The following WDR47 variants were observed in gnomAD, a reference collection of about 807,000 sequenced individuals.
WDR47 encodes the protein WD repeat-containing protein 47.
Under a neutral mutation model 97.2 loss-of-function variants are expected in WDR47, and 32 were observed. The ratio of observed to expected loss-of-function variants is 0.33; its 90% CI spans 0.25 to 0.44. WDR47 has a LOEUF of 0.44. Among genes scored for constraint, WDR47 ranks in the 20% least tolerant of loss-of-function variants. The pLI is 1.00. For synonymous variants in WDR47, 375 were observed against 373.5 expected (o/e 1.00, Z -0.05); for missense variants, 782 against 1,102.3 (o/e 0.71, Z 4.11).
At chr1:109,029,998 C>G in intron 1 of WDR47, 1 of 393,286 alleles carries the variant, frequency 2.5e-6, no homozygotes, top group South Asian at 1.3e-4. Context: ...GCTTTCTAAC[C>G]AAATATAAGC....
chr1:108,994,046 T>C (rs1659573251), intron 8 of WDR47, among the ~76,000 whole-genome samples: 1 of 152,126 alleles, frequency 6.6e-6, no homozygotes, highest in Non-Finnish European at 1.5e-5. Flanking sequence ...AAATAAGGGA[T>C]AGACAAAGTG....
chr1:109,041,353 A>G (rs917697100), intron 1 of WDR47, among the ~76,000 whole-genome samples: 3 of 152,150 alleles, frequency 2.0e-5, no homozygotes, highest in African/African-American at 4.8e-5. Flanking sequence ...TTGATGTGAG[A>G]AAGGCCAAAA....
intron 8 of WDR47, chr1:108,992,920 A>AT (rs966261913): frequency 5.1e-6 from 5 of 983,858 alleles, no homozygotes; most frequent in African/African-American, 3.3e-5. Flanking sequence ...GCTAAATAAT[A>AT]TTTTTTTAAT....
At chr1:109,003,300 T>A (rs1040654189) in intron 6 of WDR47, among the ~76,000 whole-genome samples, 1 of 152,188 alleles carries the variant, frequency 6.6e-6, no homozygotes, top group African/African-American at 2.4e-5. Flanking sequence ...GCTCTCTCAA[T>A]ATTTGCATCA....
intron 13 of WDR47, among the ~76,000 whole-genome samples, chr1:108,976,559 A>G (rs901194906): frequency 1.3e-5 from 2 of 152,212 alleles, no homozygotes; most frequent in Non-Finnish European, 2.9e-5. Flanking sequence ...TGAAAATAAA[A>G]CAGGTATCAT....
chr1:109,032,249 T>A (rs1277369461), intron 1 of WDR47, among the ~76,000 whole-genome samples: 1 of 139,256 alleles, frequency 7.2e-6, no homozygotes, highest in African/African-American at 2.6e-5. Context: ...CAGTGGCTCA[T>A]GCCTGTAATC....
intron 2 of WDR47, among the ~76,000 whole-genome samples, chr1:109,021,773 C>A (rs1040049320): frequency 6.6e-6 from 1 of 150,894 alleles, no homozygotes; most frequent in East Asian, 2.0e-4. Flanking sequence ...GTGATCCACA[C>A]GGCTCAGCCT....
At position 108,983,456 on chromosome 1, in the gene WDR47, A is replaced by T. The variant is rs1034513151; in HGVS notation, c.1926-5T>A. ...TGCTTAGGAGTCTCATGTGCACTGA[A>T]AAGAAAAATTACAGAAATATATTTC... is the stretch of plus-strand genomic sequence containing the variant. On this transcript the variant is annotated splice_region_variant and splice_polypyrimidine_tract_variant and intron_variant, in intron 10 of 14. Coordinates refer to ENST00000369962, the MANE Select transcript of WDR47 (RefSeq NM_001142551.2). 2 of 1,543,684 alleles carry T rather than the reference A, an allele frequency of 1.3e-6. No individual in the cohort carries two copies. Among genetic ancestry groups the T allele is most frequent in the Non-Finnish European group, 1.7e-6 (2 of 1,144,524 alleles).
At chr1:109,035,548 A>G (rs1055859329) in intron 1 of WDR47, among the ~76,000 whole-genome samples, 8 of 147,808 alleles carry the variant, frequency 5.4e-5, no homozygotes, top group Non-Finnish European at 4.4e-5. Flanking sequence ...CCCAGGCTGG[A>G]GTGCAGTGGC....
intron 1 of WDR47, among the ~76,000 whole-genome samples, chr1:109,033,168 C>T (rs532886496): frequency 6.6e-6 from 1 of 152,142 alleles, no homozygotes; most frequent in African/African-American, 2.4e-5. Flanking sequence ...GTGGCAGGCA[C>T]CTGTAATCCC....
At chr1:109,005,653 T>A (rs959293047) in intron 5 of WDR47, among the ~76,000 whole-genome samples, 2 of 151,998 alleles carry the variant, frequency 1.3e-5, no homozygotes, top group Admixed American at 6.6e-5. Context: ...GGCAGGCAGA[T>A]CACGAGGTCA....
rs748037936 is a variant in WDR47 at position 109,011,113 on chromosome 1, G to A, written c.933C>T (p.Arg311=). ...GGCCATCTAAAGCAGGATTCAGAGAGCGGGTCATATAGGCATCAGCTGATT... is the reference window on the plus strand; with the variant it reads ...GGCCATCTAAAGCAGGATTCAGAGAACGGGTCATATAGGCATCAGCTGATT... The part of the protein sequence containing the change: ...RPQSADAYMT[R]SLNPALDGLT... The change falls in exon 5 of 15, where the codon CGC becomes CGT. Residue 311 remains arginine, a synonymous_variant. Coordinates refer to ENST00000369962, the MANE Select transcript of WDR47 (RefSeq NM_001142551.2). 3 of 1,614,018 alleles carry A rather than the reference G, an allele frequency of 1.9e-6. No homozygotes were observed. The African/African-American group carries it at 4.0e-5, about 22-fold the overall frequency.
chr1:109,027,058 C>T (rs1215128091), intron 1 of WDR47, among the ~76,000 whole-genome samples: 2 of 151,988 alleles, frequency 1.3e-5, no homozygotes, highest in African/African-American at 2.4e-5. Flanking sequence ...TCACCCAACA[C>T]AGAATTTTTT....
chr1:108,974,961 T>G, intron 13 of WDR47, among the ~76,000 whole-genome samples: 1 of 152,076 alleles, frequency 6.6e-6, no homozygotes, highest in East Asian at 1.9e-4. Context: ...TTGTAAGAAA[T>G]GAGAAAGTCC....
intron 13 of WDR47, among the ~76,000 whole-genome samples, chr1:108,981,226 A>T (rs1658319322): frequency 6.6e-6 from 1 of 151,946 alleles, no homozygotes; most frequent in East Asian, 1.9e-4. Context: ...TTTGTAATGC[A>T]TGCTACCATT....
intron 9 of WDR47, among the ~76,000 whole-genome samples, chr1:108,989,332 C>T (rs1186328042): frequency 6.6e-6 from 1 of 152,154 alleles, no homozygotes; most frequent in East Asian, 1.9e-4. Flanking sequence ...AGGTCTAGGA[C>T]CCATAATGAC....
At chr1:108,999,540 C>CA (rs1557934289) in intron 7 of WDR47, among the ~76,000 whole-genome samples, 1 of 151,624 alleles carries the variant, frequency 6.6e-6, no homozygotes, top group African/African-American at 2.4e-5. Context: ...TTCATCTCTA[C>CA]AAAAAATATA....
At chr1:108,981,609 C>A in intron 13 of WDR47, 124 bp downstream of exon 13, 1 of 923,148 alleles carries the variant, frequency 1.1e-6, no homozygotes, top group African/African-American at 1.7e-5. Flanking sequence ...CTGAAAGTAA[C>A]TAATAAAATA....
intron 4 of WDR47, among the ~76,000 whole-genome samples, chr1:109,012,441 C>T (rs1160847849): frequency 2.6e-5 from 4 of 151,662 alleles, no homozygotes; most frequent in Admixed American, 6.6e-5. Context: ...GGCACAGTGG[C>T]GGGCACCTGT....
Sources: allele counts gnomAD v4.1 joint callset (sites outside exome capture counted in the v4.1 genomes callset), GRCh38; gene constraint gnomAD v4.1.1; transcripts MANE v1.5; gene names NCBI Gene and HGNC (gene_info 2026-07-23, HGNC 2026-07-21).